TEX29: variants seen among roughly 807,000 people sequenced by gnomAD.
TEX29 encodes the protein testis-expressed protein 29.
A neutral mutation model predicts 18.2 loss-of-function variants in TEX29; 26 were observed. The observed-to-expected ratio is 1.43, with a 90% CI of 1.04 to 1.98. The LOEUF is 1.98. Among genes scored for constraint, TEX29 ranks in the 30% most tolerant of loss-of-function variants. The probability of loss-of-function intolerance (pLI) is 0.00; values close to 1 mark genes in which losing one functional copy is unlikely to be tolerated. For synonymous variants in TEX29, 83 were observed against 78.5 expected (o/e 1.06, Z -0.31); for missense variants, 177 against 194.2 (o/e 0.91, Z 0.53).
Position 111,344,130 on chromosome 13 carries a change from C to G in TEX29, c.*7C>G. 1 of 1,611,288 alleles carries G rather than the reference C, an allele frequency of 6.2e-7. No individual in the cohort carries two copies. Among genetic ancestry groups the G allele is most frequent in the Non-Finnish European group, 8.5e-7 (1 of 1,177,768 alleles). On this transcript the variant is annotated 3_prime_UTR_variant, in exon 6 of 6. Transcript: ENST00000283547. The stretch of plus-strand genomic sequence containing the variant: ...CGAAGAAACTGAGGACTGACTGAGA[C>G]GCATGAAGAAGTGGAGATTGTCAGA...
intron 5 of TEX29, among the ~76,000 whole-genome samples, 158 bp downstream of exon 5, chr13:111,343,089 G>A (rs1246819405): frequency 6.6e-6 from 1 of 152,192 alleles, no homozygotes; most frequent in Non-Finnish European, 1.5e-5. Context: ...ACCCAACATT[G>A]GAGGTTCAGG....
chr13:111,338,463 C>G (rs1000460527), intron 3 of TEX29, among the ~76,000 whole-genome samples: 5 of 152,154 alleles, frequency 3.3e-5, no homozygotes, highest in African/African-American at 9.7e-5. Context: ...CCTCCAGAAC[C>G]ATGAGATGAT....
chr13:111,323,353 C>T (rs912648588), intron 2 of TEX29, among the ~76,000 whole-genome samples: 1 of 152,202 alleles, frequency 6.6e-6, no homozygotes, highest in African/African-American at 2.4e-5. Context: ...GGGGAAGAGG[C>T]GTGTGTGGGG....
chr13:111,319,462 A>G (rs948105968), upstream of TEX29, among the ~76,000 whole-genome samples: 2 of 152,092 alleles, frequency 1.3e-5, no homozygotes, highest in African/African-American at 4.8e-5. Context: ...CAGACACATC[A>G]ACCCAAATTG....
At chr13:111,320,085 C>G (rs1178621770), upstream of TEX29, among the ~76,000 whole-genome samples, 1 of 152,226 alleles carries the variant, frequency 6.6e-6, no homozygotes. Flanking sequence ...AGCCTCCCCC[C>G]AGGACCTCTG....
intron 3 of TEX29, among the ~76,000 whole-genome samples, chr13:111,334,129 T>C (rs1182135550): frequency 1.3e-5 from 2 of 152,218 alleles, no homozygotes; most frequent in East Asian, 3.9e-4. Flanking sequence ...GGCCATACTT[T>C]CTCATTTCTT....
At chr13:111,316,802 G>A (rs556323752), upstream of TEX29, among the ~76,000 whole-genome samples, 1 of 152,304 alleles carries the variant, frequency 6.6e-6, no homozygotes, top group South Asian at 2.1e-4. Flanking sequence ...CTGAGACTGG[G>A]TAATTTACAA....
chr13:111,316,218 C>T (rs754953818), upstream of TEX29: 3 of 505,810 alleles, frequency 5.9e-6, no homozygotes, highest in Non-Finnish European at 1.2e-5. Flanking sequence ...CTGATGCCAG[C>T]CATCTGTCAA....
At chr13:111,338,839 A>G (rs1335949584) in intron 3 of TEX29, among the ~76,000 whole-genome samples, 2 of 152,244 alleles carry the variant, frequency 1.3e-5, no homozygotes, top group Non-Finnish European at 1.5e-5. Context: ...AAGAACAAAC[A>G]GTAGATGAGG....
At chr13:111,328,322 C>T (rs757854756) in intron 3 of TEX29, 29 bp downstream of exon 3, 3 of 1,541,778 alleles carry the variant, frequency 1.9e-6, no homozygotes. Context: ...CACCCCGTGG[C>T]GGAAGCCGAG....
upstream of TEX29, chr13:111,320,587 C>T (rs1017692930): frequency 4.0e-6 from 2 of 496,258 alleles, no homozygotes; most frequent in African/African-American, 1.9e-5. Context: ...CCTCATGAGG[C>T]TGTGTGATGT....
At chr13:111,317,680 G>A (rs7336033), upstream of TEX29, among the ~76,000 whole-genome samples, 55,116 of 152,176 alleles carry the variant, frequency 0.36, 11,252 homozygotes, top group East Asian at 0.86. Context: ...CCGACATGGC[G>A]CCAACAGCAG....
At chr13:111,329,209 G>A (rs2093678947) in intron 3 of TEX29, among the ~76,000 whole-genome samples, 2 of 152,104 alleles carry the variant, frequency 1.3e-5, no homozygotes, top group South Asian at 4.1e-4. Flanking sequence ...ACGGAGGGGA[G>A]CAGCCTGCAC....
rs550670571 is a variant in TEX29, at chr13:111,343,685, G to A, written c.416-398G>A. On this transcript the variant is annotated intron_variant, in intron 5 of 5. Coordinates refer to ENST00000283547, the MANE Select transcript of TEX29 (RefSeq NM_152324.3). ...GTTTGTACAGGATACAAACGGCCTG[G>A]CCTTACCCATTGTTACCAAATAGAC... 6.6e-5 allele frequency among the ~76,000 whole-genome samples: 10 copies of A among 152,268 alleles called. No homozygotes were observed. In the East Asian group the frequency reaches 1.9e-3, roughly 29 times the overall value.
At chr13:111,323,801 G>A (rs751498185) in intron 2 of TEX29, among the ~76,000 whole-genome samples, 3 of 152,092 alleles carry the variant, frequency 2.0e-5, no homozygotes, top group African/African-American at 2.4e-5. Flanking sequence ...CCACACACAC[G>A]AGCCTCTGCA....
intron 3 of TEX29, among the ~76,000 whole-genome samples, chr13:111,337,939 G>A (rs1400069729): frequency 2.6e-5 from 4 of 152,114 alleles, no homozygotes; most frequent in African/African-American, 7.2e-5. Flanking sequence ...GAGGAAAATC[G>A]AGGATGTGGG....
At chr13:111,324,232 G>T (rs1194169076) in intron 2 of TEX29, among the ~76,000 whole-genome samples, 1 of 152,166 alleles carries the variant, frequency 6.6e-6, no homozygotes, top group African/African-American at 2.4e-5. Flanking sequence ...CCTGTCTGTG[G>T]TTGGGTCTTG....
intron 5 of TEX29, 152 bp from the exon 6 acceptor site, chr13:111,343,931 A>G (rs2093700697): frequency 1.5e-6 from 1 of 680,972 alleles, no homozygotes; most frequent in Non-Finnish European, 2.7e-6. Context: ...AATGAGAAAC[A>G]TAGGAGGATA....
chr13:111,316,277 A>G (rs2093654629), upstream of TEX29: 1 of 490,768 alleles, frequency 2.0e-6, no homozygotes, highest in Non-Finnish European at 4.1e-6. Flanking sequence ...TGTTGGATGA[A>G]TAAAGGAAAT....
Sources: allele counts gnomAD v4.1 joint callset (sites outside exome capture counted in the v4.1 genomes callset), GRCh38; gene constraint gnomAD v4.1.1; transcripts MANE v1.5; gene names NCBI Gene and HGNC (gene_info 2026-07-23, HGNC 2026-07-21).